Variants in LGR4 observed in about 807,000 individuals in gnomAD.
LGR4 encodes leucine-rich repeat-containing G protein-coupled receptor 4.
Under a neutral mutation model 84.8 loss-of-function variants are expected in LGR4, and 44 were observed. The observed-to-expected ratio is 0.52, with a 90% CI of 0.41 to 0.67. The LOEUF is 0.67. Ranked by LOEUF, LGR4 falls within the 30% of genes least tolerant of loss-of-function variation. LGR4 has a pLI of 0.00. For synonymous variants in LGR4, 429 were observed against 434.3 expected (o/e 0.99, Z 0.15); for missense variants, 1,032 against 1,131.4 (o/e 0.91, Z 1.26).
At chr11:27,409,488 T>C (rs181909869) in intron 2 of LGR4, among the ~76,000 whole-genome samples, 77 of 152,184 alleles carry the variant, frequency 5.1e-4, no homozygotes, top group Non-Finnish European at 9.1e-4. Context: ...ATTCTTTGGG[T>C]CCCAAATAGA....
chr11:27,467,758 G>A (rs545882260), intron 1 of LGR4, among the ~76,000 whole-genome samples: 12 of 152,094 alleles, frequency 7.9e-5, no homozygotes, highest in Non-Finnish European at 1.6e-4. Flanking sequence ...CCTATGCCTG[G>A]CAGAATATTT....
intron 1 of LGR4, among the ~76,000 whole-genome samples, chr11:27,443,376 T>C (rs1049567729): frequency 2.0e-5 from 3 of 152,270 alleles, no homozygotes; most frequent in Admixed American, 1.3e-4. Flanking sequence ...TCTGAACTAA[T>C]GGGTAGGTGG....
chr11:27,454,085 T>C (rs371845703), intron 1 of LGR4, among the ~76,000 whole-genome samples: 3 of 152,370 alleles, frequency 2.0e-5, no homozygotes, highest in Non-Finnish European at 2.9e-5. Context: ...TCCCTTATCA[T>C]TGGAACTCGG....
Position 27,391,097 on chromosome 11 carries a change from G to T in LGR4, c.398C>A (p.Ser133Tyr). ...EAIRGLSALQ[S>Y]LRLDANHITS... is the part of the protein sequence containing the mutation. ...AAGAAACCAAGAAGTTACTTACAAA[G>T]ACTGCAAAGCACTCAGCCCTCGAAT... Residue 133 changes from serine (S) to tyrosine (Y), a missense_variant, in exon 4 of 18, where the codon TCT (serine) becomes TAT (tyrosine). Ser to Tyr is a moderately radical substitution (Grantham distance 144, BLOSUM62 -2). Coordinates refer to ENST00000379214, the MANE Select transcript of LGR4 (RefSeq NM_018490.5). The T allele has an allele frequency of 1.3e-6, 2 of 1,595,950 alleles. No homozygotes were observed. The highest frequency in any genetic ancestry group is 1.7e-6 in the Non-Finnish European group (2 of 1,167,102).
intron 1 of LGR4, among the ~76,000 whole-genome samples, chr11:27,469,746 G>A (rs1032741258): frequency 6.6e-6 from 1 of 152,176 alleles, no homozygotes; most frequent in Non-Finnish European, 1.5e-5. Context: ...TTAAGAATAG[G>A]TGAACAAACG....
chr11:27,405,942 C>T (rs562872630), intron 2 of LGR4, among the ~76,000 whole-genome samples: 1 of 152,262 alleles, frequency 6.6e-6, no homozygotes, highest in East Asian at 1.9e-4. Context: ...AAAAAAACTT[C>T]AAGAGTCACT....
At chr11:27,466,270 G>A (rs2133460569) in intron 1 of LGR4, among the ~76,000 whole-genome samples, 1 of 152,208 alleles carries the variant, frequency 6.6e-6, no homozygotes, top group East Asian at 1.9e-4. Flanking sequence ...GAAAAGGCAG[G>A]AGACAGTCTT....
intron 2 of LGR4, among the ~76,000 whole-genome samples, chr11:27,411,624 G>C (rs1863713259): frequency 1.3e-5 from 2 of 152,064 alleles, no homozygotes; most frequent in African/African-American, 4.8e-5. Context: ...ATTATTAGCT[G>C]CACCTTTTTC....
In LGR4 at chr11:27,368,810, A is replaced by C. The variant is rs915154139; in HGVS notation, c.1913T>G (p.Leu638Arg). ...SSESAIFLLMLATVERSLSAK... is the reference protein window; with the variant it reads ...SSESAIFLLMRATVERSLSAK... Reference sequence around the variant, plus strand: ...AGATAAGCTTCTTTCGACAGTTGCTAGCATTAATAAAAATATGGCACTTTC... The same window carrying C: ...AGATAAGCTTCTTTCGACAGTTGCTCGCATTAATAAAAATATGGCACTTTC... Residue 638 changes from leucine (L) to arginine (R), a missense_variant, in exon 18 of 18, where the codon CTA becomes CGA. Leu to Arg is a moderately radical substitution (Grantham distance 102, BLOSUM62 -2). Transcript: ENST00000379214. The C allele has an allele frequency of 6.2e-6, 10 of 1,614,044 alleles. No homozygotes were observed. Among genetic ancestry groups the C allele is most frequent in the Non-Finnish European group, 8.5e-6 (10 of 1,179,998 alleles).
intron 1 of LGR4, among the ~76,000 whole-genome samples, chr11:27,434,286 T>C (rs1345911342): frequency 1.3e-5 from 2 of 152,220 alleles, no homozygotes; most frequent in Admixed American, 6.5e-5. Flanking sequence ...AGAGCTCTCA[T>C]GTAAATAAGA....
intron 1 of LGR4, among the ~76,000 whole-genome samples, chr11:27,426,375 G>A (rs1302268124): frequency 2.0e-5 from 3 of 152,182 alleles, no homozygotes; most frequent in African/African-American, 7.2e-5. Flanking sequence ...GAGGAATGAT[G>A]TAAAATTGGA....
At chr11:27,458,457 T>C (rs74446524) in intron 1 of LGR4, among the ~76,000 whole-genome samples, 2,761 of 152,232 alleles carry the variant, frequency 0.018, 81 homozygotes, top group African/African-American at 0.063. Context: ...AACTGAACAT[T>C]AAAAAGGATG....
At chr11:27,371,215 T>G (rs989645060) in intron 17 of LGR4, among the ~76,000 whole-genome samples, 1 of 152,210 alleles carries the variant, frequency 6.6e-6, no homozygotes, top group African/African-American at 2.4e-5. Context: ...TTTAATAACT[T>G]TCCCAAGACT....
chr11:27,395,718 T>C (rs1198911639), intron 2 of LGR4, among the ~76,000 whole-genome samples: 1 of 152,188 alleles, frequency 6.6e-6, no homozygotes, highest in Non-Finnish European at 1.5e-5. Flanking sequence ...AGTAAACATA[T>C]CCTGTGGAGC....
At chr11:27,445,907 C>T (rs1864381179) in intron 1 of LGR4, among the ~76,000 whole-genome samples, 1 of 151,796 alleles carries the variant, frequency 6.6e-6, no homozygotes, top group Non-Finnish European at 1.5e-5. Context: ...GCAGTAGCCA[C>T]ATATTTGATG....
chr11:27,455,389 AAAC>A (rs1329001934), intron 1 of LGR4, among the ~76,000 whole-genome samples: 2 of 151,968 alleles, frequency 1.3e-5, no homozygotes, highest in East Asian at 1.9e-4. Flanking sequence ...GTCTAAAAAA[AAAC>A]AACAACAAGA....
At chr11:27,439,743 C>T (rs906497915) in intron 1 of LGR4, among the ~76,000 whole-genome samples, 1 of 152,056 alleles carries the variant, frequency 6.6e-6, no homozygotes, top group African/African-American at 2.4e-5. Context: ...CTTTTGTCTA[C>T]CTCTCTCTGC....
intron 1 of LGR4, among the ~76,000 whole-genome samples, chr11:27,419,947 C>T (rs927165627): frequency 4.0e-5 from 6 of 151,640 alleles, no homozygotes; most frequent in East Asian, 3.9e-4. Context: ...AGGCTGGCTA[C>T]GAAGAGGCAT....
intron 7 of LGR4, 118 bp from the exon 8 acceptor site, chr11:27,381,084 T>A (rs568093643): frequency 3.5e-6 from 2 of 567,462 alleles, no homozygotes; most frequent in South Asian, 6.0e-5. Flanking sequence ...ACATGAAAAT[T>A]TTCAAAAGCA....
Sources: gnomAD v4.1 joint callset for allele counts (sites outside exome capture counted in the v4.1 genomes callset) on GRCh38, gnomAD v4.1.1 for gene constraint, MANE v1.5 for transcripts, NCBI Gene and HGNC (gene_info 2026-07-23, HGNC 2026-07-21) for gene names.